Variants in ELMOD3 observed in about 807,000 individuals in gnomAD.
ELMOD3 encodes ELMO domain-containing protein 3.
A neutral mutation model predicts 47.4 loss-of-function variants in ELMOD3; 36 were observed. The observed-to-expected ratio is 0.76, with a 90% CI of 0.58 to 1.00. ELMOD3 has a LOEUF of 1.00. Ranked by LOEUF, ELMOD3 falls within the 50% of genes least tolerant of loss-of-function variation. The pLI, the probability that ELMOD3 is intolerant of heterozygous loss-of-function variation, is 0.00. For missense variants in ELMOD3, 404 were observed against 463.8 expected, an observed-to-expected ratio of 0.87 and a Z score of 1.18; for synonymous variants, 149 against 183.5, an observed-to-expected ratio of 0.81 and a Z score of 1.52.
rs1002891878 is a variant in ELMOD3, at chr2:85,371,524, C to T, written c.569C>T (p.Ala190Val). The part of the protein sequence containing the change: ...KKLTGSKFDC[A>V]LHGNHWEDLG... ...CTGACCGGCTCCAAGTTTGACTGTG[C>T]CCTTCATGGAAACCACTGGGAGGAC... The change falls in exon 10 of 14, where the codon GCC (alanine) becomes GTC (valine). Residue 190 changes from alanine (A) to valine (V), a missense_variant. By Grantham distance (64) the Ala-to-Val change is moderately conservative. Transcript: ENST00000409013. 1 of 1,614,178 alleles carries T rather than the reference C, an allele frequency of 6.2e-7. No homozygotes were observed.
In ELMOD3 at chr2:85,371,072, A is replaced by G; in HGVS notation, c.361-14A>G. The G allele has an allele frequency of 6.2e-7, 1 of 1,613,146 alleles. No individual in the cohort carries two copies. Among genetic ancestry groups the G allele is most frequent in the Non-Finnish European group, 8.5e-7 (1 of 1,179,284 alleles). On this transcript the variant is annotated splice_polypyrimidine_tract_variant and intron_variant, in intron 8 of 13. Coordinates refer to ENST00000409013, the MANE Select transcript of ELMOD3 (RefSeq NM_001135022.2). Reference sequence around the variant, plus strand: ...AACCAGCATTCTGCCCATTGCCTGCAACTTCTTCCCCAGAAAAGAATCCAG... The same window carrying G: ...AACCAGCATTCTGCCCATTGCCTGCGACTTCTTCCCCAGAAAAGAATCCAG...
intron 3 of ELMOD3, chr2:85,356,301 C>T (rs1354196305): frequency 3.3e-5 from 5 of 152,300 alleles, no homozygotes; most frequent in Admixed American, 6.5e-5. Flanking sequence ...AAGCCCCTGA[C>T]CCAGCCTGTG....
intron 6 of ELMOD3, chr2:85,367,721 A>G (rs1423082008): frequency 2.0e-5 from 3 of 152,222 alleles, no homozygotes; most frequent in East Asian, 1.9e-4. Flanking sequence ...AAAGAAAAGA[A>G]AAATGCATTT....
At chr2:85,387,533 G>A (rs897542118) in intron 11 of ELMOD3, among the ~76,000 whole-genome samples, 22 of 151,948 alleles carry the variant, frequency 1.4e-4, no homozygotes, top group African/African-American at 3.4e-4. Context: ...GTGGTGGCAC[G>A]TGCCTATAGT....
chr2:85,355,532 T>G (rs990467402), intron 2 of ELMOD3, 23 bp from the exon 3 acceptor site: 1 of 152,244 alleles, frequency 6.6e-6, no homozygotes, highest in African/African-American at 2.4e-5. Flanking sequence ...ATGGAATTGT[T>G]GCTCTTTTCT....
chr2:85,367,968 A>G (rs1163681206), intron 6 of ELMOD3, among the ~76,000 whole-genome samples: 1 of 150,556 alleles, frequency 6.6e-6, no homozygotes, highest in Non-Finnish European at 1.5e-5. Flanking sequence ...GCTGGAGTGC[A>G]GTGACATGAT....
chr2:85,385,678 G>C (rs1223525399), intron 11 of ELMOD3, among the ~76,000 whole-genome samples: 2 of 152,226 alleles, frequency 1.3e-5, no homozygotes, highest in African/African-American at 4.8e-5. Context: ...AGAGGGCGCA[G>C]GGCCTAGCAG....
rs768481389 is a variant in ELMOD3 at position 85,390,828 on chromosome 2, G to A, written c.1012G>A (p.Val338Met). The A allele has an allele frequency of 9.0e-6, 14 of 1,551,520 alleles. No individual in the cohort carries two copies. The African/African-American group carries it at 1.6e-4, about 18-fold the overall frequency. Residue 338 changes from valine to methionine, a missense_variant, in exon 14 of 14, where the codon GTG becomes ATG. By Grantham distance (21) the Val-to-Met change is conservative. Transcript: ENST00000409013. ...LKTLELYLAR[V>M]SKGQASLLGA... The stretch of plus-strand genomic sequence containing the variant: ...GACCCTGGAGCTGTACTTGGCCAGG[G>A]TGTCAAAGGGACAGGCCTCCTTGTT...
intron 7 of ELMOD3, 132 bp from the exon 8 acceptor site, chr2:85,369,607 G>A (rs891204818): frequency 2.3e-6 from 2 of 881,810 alleles, no homozygotes; most frequent in Non-Finnish European, 3.6e-6. Context: ...AAGATTGGTT[G>A]TAGCTGTAAG....
At position 85,390,146 on chromosome 2, in the gene ELMOD3, A is replaced by G. The variant is rs199592210; in HGVS notation, c.824A>G (p.Asn275Ser). ...TTGCCTTTTTCCTGCAGAGAGTGTAATCGGCAGCAGAAGGTCATCCCCGTG... is the reference window on the plus strand; with the variant it reads ...TTGCCTTTTTCCTGCAGAGAGTGTAGTCGGCAGCAGAAGGTCATCCCCGTG... ...LREECLSRECNRQQKVIPVVN... is the reference protein window; with the variant it reads ...LREECLSRECSRQQKVIPVVN... The change falls in exon 13 of 14, where the codon AAT becomes AGT. Residue 275 changes from asparagine (N) to serine (S), a missense_variant. Transcript: ENST00000409013. The G allele has an allele frequency of 6.2e-6, 10 of 1,613,986 alleles. No homozygotes were observed. The East Asian group carries it at 2.2e-4, about 36-fold the overall frequency.
intron 4 of ELMOD3, among the ~76,000 whole-genome samples, chr2:85,358,864 T>A (rs1417768838): frequency 6.6e-6 from 1 of 152,234 alleles, no homozygotes; most frequent in Non-Finnish European, 1.5e-5. Flanking sequence ...GAGACAAAGC[T>A]ACTGCTTCCT....
rs189003442 is a variant in ELMOD3 at position 85,379,364 on chromosome 2, G to A, written c.738+1890G>A. On this transcript the variant is annotated intron_variant, in intron 11 of 13. Coordinates refer to ENST00000409013, the MANE Select transcript of ELMOD3 (RefSeq NM_001135022.2). ...TGGGATTATAGGCACATGCCACCAC[G>A]TCCGGCTAATTTTTGTATTTTTAGT... Among the ~76,000 whole-genome samples the A allele has an allele frequency of 8.7e-4, 132 of 152,182 alleles. 2 individuals carry two copies. The Middle Eastern group carries it at 0.014, about 16-fold the overall frequency.
intron 11 of ELMOD3, among the ~76,000 whole-genome samples, chr2:85,380,972 A>T (rs994833553): frequency 6.6e-6 from 1 of 152,268 alleles, no homozygotes; most frequent in Non-Finnish European, 1.5e-5. Context: ...ATAATTTAAC[A>T]TAACAATTAT....
rs1406553545 is a variant in ELMOD3 at position 85,368,752 on chromosome 2, CAG to C, written c.267_268del (p.Gly90GlufsTer4). On this transcript the variant is annotated frameshift_variant and splice_region_variant, in exon 7 of 14. Coordinates refer to ENST00000409013, the MANE Select transcript of ELMOD3 (RefSeq NM_001135022.2). LOFTEE classifies it high-confidence loss of function. The stretch of plus-strand genomic sequence containing the variant: ...GCTGTGGACACCATCCAGCCAGAGA[CAG>C]GTAACTGTACGAATGCTGCTGTCTC... The C allele has an allele frequency of 2.5e-6, 4 of 1,614,036 alleles. No individual in the cohort carries two copies. Among genetic ancestry groups the C allele is most frequent in the Non-Finnish European group, 2.5e-6 (3 of 1,180,034 alleles).
intron 4 of ELMOD3, among the ~76,000 whole-genome samples, chr2:85,361,383 A>T (rs1042498552): frequency 3.3e-5 from 5 of 152,212 alleles, no homozygotes; most frequent in African/African-American, 1.2e-4. Flanking sequence ...CTAGGACCAG[A>T]TTAAACAGAA....
In ELMOD3 at chr2:85,390,277, C is replaced by T; in HGVS notation, c.943+12C>T. On this transcript the variant is annotated intron_variant, in intron 13 of 13. Coordinates refer to ENST00000409013, the MANE Select transcript of ELMOD3 (RefSeq NM_001135022.2). ...CTTTGTCCTCAAAGGTGTGCTCTTT[C>T]TTCTGGGGAGGCCTAGGCTGAATGC... is the stretch of plus-strand genomic sequence containing the variant. 1.9e-6 allele frequency: 3 copies of T among 1,614,186 alleles called. No homozygotes were observed. The highest frequency in any genetic ancestry group is 2.5e-6 in the Non-Finnish European group (3 of 1,180,034).
chr2:85,386,832 T>C (rs553946726), intron 11 of ELMOD3, among the ~76,000 whole-genome samples: 399 of 152,182 alleles, frequency 2.6e-3, no homozygotes, highest in Non-Finnish European at 4.8e-3. Flanking sequence ...GGAGAAACCT[T>C]GTCTCTACTA....
chr2:85,391,222 G>A lies in ELMOD3; in HGVS notation c.*260G>A, dbSNP rs1177325532. The A allele has an allele frequency of 8.9e-6, 4 of 449,920 alleles. No individual in the cohort carries two copies. The highest frequency in any genetic ancestry group is 7.6e-5 in the Admixed American group (2 of 26,482). The allele number at this position is 449,920 out of a possible 1,614,324, so 27.9% of individuals were successfully genotyped here. ...CTTAATCTGTTGGGCTCCAGTCTCCGGGTTGAATTCCAGTGTATCCCACTG... is the reference window on the plus strand; with the variant it reads ...CTTAATCTGTTGGGCTCCAGTCTCCAGGTTGAATTCCAGTGTATCCCACTG... On this transcript the variant is annotated 3_prime_UTR_variant, in exon 14 of 14. Coordinates refer to ENST00000409013, the MANE Select transcript of ELMOD3 (RefSeq NM_001135022.2).
At position 85,364,308 on chromosome 2, in the gene ELMOD3, G is replaced by A. The variant is rs548989969; in HGVS notation, c.199+1142G>A. 1.6e-4 allele frequency among the ~76,000 whole-genome samples: 25 copies of A among 151,674 alleles called. No homozygotes were observed. The South Asian group carries it at 3.3e-3, about 20-fold the overall frequency. On this transcript the variant is annotated intron_variant, in intron 6 of 13. Transcript: ENST00000409013. ...TTTTTTTTTAAGAGACAGGTTCACC[G>A]GGCACAGTGGCTCACGCCTGTAACC...
Sources: allele counts gnomAD v4.1 joint callset (sites outside exome capture counted in the v4.1 genomes callset), GRCh38; gene constraint gnomAD v4.1.1; transcripts MANE v1.5; gene names NCBI Gene and HGNC (gene_info 2026-07-23, HGNC 2026-07-21).